The following PRDM5 variants were observed in gnomAD, a reference collection of about 807,000 sequenced individuals.
PRDM5 encodes the protein PR domain zinc finger protein 5.
Under a neutral mutation model 81.2 loss-of-function variants are expected in PRDM5, and 56 were observed. The observed-to-expected ratio is 0.69, with a 90% CI of 0.56 to 0.86. The LOEUF (loss-of-function observed/expected upper bound fraction) is 0.86. Ranked by LOEUF, PRDM5 falls within the 40% of genes least tolerant of loss-of-function variation. PRDM5 has a pLI of 0.00. For missense variants in PRDM5, 697 were observed against 770.1 expected, an observed-to-expected ratio of 0.91 and a Z score of 1.12; for synonymous variants, 267 against 256.4, an observed-to-expected ratio of 1.04 and a Z score of -0.39.
At chr4:120,849,246 G>A (rs1364674197) in intron 3 of PRDM5, among the ~76,000 whole-genome samples, 2 of 152,144 alleles carry the variant, frequency 1.3e-5, no homozygotes, top group East Asian at 1.9e-4. Flanking sequence ...TCTCTCTTTA[G>A]AGATCCACAT....
At chr4:120,798,172 T>C in intron 10 of PRDM5, 95 bp downstream of exon 10, 1 of 905,968 alleles carries the variant, frequency 1.1e-6, no homozygotes, top group East Asian at 2.8e-5. Context: ...TTATATACAG[T>C]AGGCCCCAGA....
chr4:120,889,299 C>G (rs1036817156), intron 2 of PRDM5, among the ~76,000 whole-genome samples: 1 of 152,034 alleles, frequency 6.6e-6, no homozygotes, highest in Non-Finnish European at 1.5e-5. Flanking sequence ...TAATTTTGAT[C>G]TAATATAATC....
intron 3 of PRDM5, among the ~76,000 whole-genome samples, chr4:120,834,938 T>C (rs772729176): frequency 5.9e-5 from 9 of 152,208 alleles, no homozygotes; most frequent in African/African-American, 9.6e-5. Context: ...AAATATGAAC[T>C]AGAATTACAT....
At chr4:120,777,439 T>C (rs1748338965) in intron 12 of PRDM5, among the ~76,000 whole-genome samples, 158 bp from the exon 13 acceptor site, 1 of 152,152 alleles carries the variant, frequency 6.6e-6, no homozygotes, top group Non-Finnish European at 1.5e-5. Flanking sequence ...ATGATGGATA[T>C]TCCCACTGGC....
intron 2 of PRDM5, among the ~76,000 whole-genome samples, chr4:120,905,140 C>T (rs970835230): frequency 6.6e-6 from 1 of 152,128 alleles, no homozygotes; most frequent in Non-Finnish European, 1.5e-5. Context: ...CAGACAATAT[C>T]AATAACATTT....
intron 14 of PRDM5, among the ~76,000 whole-genome samples, chr4:120,722,125 G>A (rs1738704206): frequency 6.6e-6 from 1 of 152,150 alleles, no homozygotes; most frequent in Non-Finnish European, 1.5e-5. Context: ...AAGACAGGGT[G>A]GACAGTGTGA....
At chr4:120,703,957 A>C (rs1735749406) in intron 15 of PRDM5, among the ~76,000 whole-genome samples, 1 of 152,184 alleles carries the variant, frequency 6.6e-6, no homozygotes, top group African/African-American at 2.4e-5. Context: ...AAATGTAAGA[A>C]AGGTTCTCAG....
chr4:120,893,599 T>C (rs1764299595), intron 2 of PRDM5, among the ~76,000 whole-genome samples: 1 of 152,266 alleles, frequency 6.6e-6, no homozygotes, highest in South Asian at 2.1e-4. Flanking sequence ...AGGTCTTTTG[T>C]ATTAATTGTA....
Position 120,811,401 on chromosome 4 carries a change from G to A in PRDM5, c.914C>T (p.Ser305Phe). The stretch of plus-strand genomic sequence containing the variant: ...ATGTTCCTGTAGGCTTGATGCTGAA[G>A]AACACTTTTTATTGCACACTGAACA... ...LICSVCNKKC[S>F]SASSLQEHRK... The change falls in exon 8 of 16, where the codon TCT becomes TTT. Residue 305 changes from serine to phenylalanine, a missense_variant. Physicochemically the swap from Ser to Phe is radical, Grantham distance 155. Coordinates refer to ENST00000264808, the MANE Select transcript of PRDM5 (RefSeq NM_018699.4). 3 of 1,602,514 alleles carry A rather than the reference G, an allele frequency of 1.9e-6. No homozygotes were observed. Among genetic ancestry groups the A allele is most frequent in the Non-Finnish European group, 2.6e-6 (3 of 1,171,768 alleles).
chr4:120,747,538 A>G (rs1743314840), intron 14 of PRDM5, among the ~76,000 whole-genome samples: 1 of 152,140 alleles, frequency 6.6e-6, no homozygotes, highest in African/African-American at 2.4e-5. Flanking sequence ...TAAATTCAAA[A>G]GCGTCTGATA....
intron 8 of PRDM5, among the ~76,000 whole-genome samples, chr4:120,801,880 T>TATATA (rs111516782): frequency 0.29 from 43,461 of 151,784 alleles, 6,371 homozygotes; most frequent in East Asian, 0.37. Context: ...GTTTCTGTAA[T>TATATA]ATATATAATT....
rs151203752 is a variant in PRDM5, at chr4:120,835,410, T to G, written c.301-14065A>C. On this transcript the variant is annotated intron_variant, in intron 3 of 15. Transcript: ENST00000264808. ...TGTGTGCATGCATGTACACACATAT[T>G]TGAAAGAGGTAGAATAAAGGAGATA... Among the ~76,000 whole-genome samples the G allele has an allele frequency of 1.8e-4, 27 of 152,278 alleles. No homozygotes were observed. In the East Asian group the frequency reaches 5.0e-3, roughly 28 times the overall value.
chr4:120,872,150 C>CAAAAAAAAAAAAAAAAAA (rs70948365), intron 2 of PRDM5, among the ~76,000 whole-genome samples: 23 of 41,828 alleles, frequency 5.5e-4, no homozygotes, highest in African/African-American at 1.6e-3. Context: ...GACTCCATCT[C>CAAAAAAAAAAAAAAAAAA]AAAAAAAAAA....
intron 8 of PRDM5, among the ~76,000 whole-genome samples, chr4:120,808,198 C>T: frequency 6.6e-6 from 1 of 152,122 alleles, no homozygotes; most frequent in Non-Finnish European, 1.5e-5. Flanking sequence ...TTATCTGGCC[C>T]TACCCACATC....
intron 14 of PRDM5, among the ~76,000 whole-genome samples, chr4:120,730,187 C>T (rs1486503682): frequency 2.0e-5 from 3 of 152,154 alleles, no homozygotes; most frequent in African/African-American, 7.2e-5. Flanking sequence ...GCTACTTAAG[C>T]TCTCTAAGCC....
chr4:120,758,706 C>A (rs1266205943), intron 13 of PRDM5, among the ~76,000 whole-genome samples: 1 of 151,924 alleles, frequency 6.6e-6, no homozygotes, highest in Admixed American at 6.6e-5. Flanking sequence ...TTAAGCCACT[C>A]AGTTTGCGAC....
Position 120,777,185 on chromosome 4 carries a change from T to C in PRDM5, c.1537+3A>G. 6.2e-7 allele frequency: 1 copy of C among 1,613,256 alleles called. No homozygotes were observed. The highest frequency in any genetic ancestry group is 8.5e-7 in the Non-Finnish European group (1 of 1,179,398). ...TTCACTAGTCTAATTACAATCTCCA[T>C]ACCTGTGTGGCTCCGGATATGAACT... is the stretch of plus-strand genomic sequence containing the variant. On this transcript the variant is annotated splice_donor_region_variant and intron_variant, in intron 13 of 15. Transcript: ENST00000264808.
At chr4:120,748,915 G>A (rs553440389) in intron 14 of PRDM5, among the ~76,000 whole-genome samples, 59 of 152,222 alleles carry the variant, frequency 3.9e-4, no homozygotes, top group Non-Finnish European at 7.5e-4. Flanking sequence ...AAATAGGGGT[G>A]CTTCCCTGAC....
At chr4:120,865,668 T>A (rs17417539) in intron 2 of PRDM5, among the ~76,000 whole-genome samples, 30,708 of 152,110 alleles carry the variant, frequency 0.2, 3,432 homozygotes, top group Non-Finnish European at 0.25. Context: ...CACTCCCTGG[T>A]CCTCAACATG....
Sources: gnomAD v4.1 joint callset for allele counts (sites outside exome capture counted in the v4.1 genomes callset) on GRCh38, gnomAD v4.1.1 for gene constraint, MANE v1.5 for transcripts, NCBI Gene and HGNC (gene_info 2026-07-23, HGNC 2026-07-21) for gene names.